The following EPHX1 variants were observed in gnomAD, a reference collection of about 807,000 sequenced individuals.
EPHX1 encodes the protein epoxide hydratase.
In EPHX1, 40 loss-of-function variants were observed where a neutral mutation model predicts 43.2. That is an observed-to-expected ratio of 0.93 (90% CI 0.72 to 1.21). EPHX1 has a LOEUF of 1.21. Ranked by LOEUF, EPHX1 falls within the 50% of genes most tolerant of loss-of-function variation. The pLI, the probability that EPHX1 is intolerant of heterozygous loss-of-function variation, is 0.00. For missense variants in EPHX1, 550 were observed against 570.4 expected (o/e 0.96, Z 0.36); for synonymous variants, 221 against 226.7 (o/e 0.98, Z 0.22).
chr1:225,842,833 G>T (rs1668542522), intron 7 of EPHX1, among the ~76,000 whole-genome samples: 1 of 152,228 alleles, frequency 6.6e-6, no homozygotes, highest in African/African-American at 2.4e-5. Context: ...CCTGGCATCA[G>T]GGTCACGTGA....
At chr1:225,838,999 A>G (rs1018841113) in intron 4 of EPHX1, 118 bp downstream of exon 4, 1 of 1,386,860 alleles carries the variant, frequency 7.2e-7, no homozygotes, top group Non-Finnish European at 1.0e-6. Context: ...GAAGCTGGGA[A>G]AGGAGGGGCC....
At chr1:225,835,038 G>T (rs530697035) in intron 3 of EPHX1, among the ~76,000 whole-genome samples, 21 of 152,172 alleles carry the variant, frequency 1.4e-4, no homozygotes, top group Non-Finnish European at 2.8e-4. Flanking sequence ...GTGAGGGAAG[G>T]CTTCCTGGAG....
intron 7 of EPHX1, 49 bp from the exon 8 acceptor site, chr1:225,844,449 A>C: frequency 1.2e-6 from 2 of 1,608,728 alleles, no homozygotes; most frequent in Admixed American, 1.7e-5. Context: ...CCTTTGTCAC[A>C]CAACTGCATG....
chr1:225,835,339 C>T (rs1009910406), intron 3 of EPHX1, among the ~76,000 whole-genome samples: 2 of 151,308 alleles, frequency 1.3e-5, no homozygotes, highest in Non-Finnish European at 2.9e-5. Context: ...CCACCTCAGC[C>T]TCTCAAGTAG....
rs1195832850 is a variant in EPHX1, at chr1:225,839,352, G to A, written c.722+6G>A. On this transcript the variant is annotated splice_donor_region_variant and intron_variant, in intron 5 of 8. Coordinates refer to ENST00000272167, the MANE Select transcript of EPHX1 (RefSeq NM_001136018.4). Reference sequence around the variant, plus strand: ...ATGGCCCAGCTGGTGCCCAGGTGAGGTCACTGTTGGGGTGGTGTGTGTGTG... The same window carrying A: ...ATGGCCCAGCTGGTGCCCAGGTGAGATCACTGTTGGGGTGGTGTGTGTGTG... 4 of 1,610,344 alleles carry A rather than the reference G, an allele frequency of 2.5e-6. No individual in the cohort carries two copies. The highest frequency in any genetic ancestry group is 2.7e-5 in the African/African-American group (2 of 72,870).
intron 2 of EPHX1, 128 bp downstream of exon 2, chr1:225,829,040 T>TC (rs1667428338): frequency 5.3e-6 from 6 of 1,128,374 alleles, no homozygotes; most frequent in Non-Finnish European, 6.3e-6. Flanking sequence ...CTTGGGAGTG[T>TC]GTTTCAGTCT....
intron 3 of EPHX1, among the ~76,000 whole-genome samples, chr1:225,832,315 A>G (rs60132040): frequency 0.035 from 5,368 of 152,228 alleles, 303 homozygotes; most frequent in African/African-American, 0.12. Context: ...TGAGGTGGGT[A>G]GATCACGAGG....
chr1:225,833,289 A>G (rs1266791994), intron 3 of EPHX1, among the ~76,000 whole-genome samples: 1 of 152,266 alleles, frequency 6.6e-6, no homozygotes, highest in Non-Finnish European at 1.5e-5. Context: ...CTTAAAGTGT[A>G]TGAAAGACAT....
intron 1 of EPHX1, among the ~76,000 whole-genome samples, chr1:225,819,991 C>A (rs1310041116): frequency 3.3e-5 from 5 of 152,222 alleles, no homozygotes; most frequent in Admixed American, 2.6e-4. Context: ...ACCAGCTCAT[C>A]AAGGACAGCT....
intron 3 of EPHX1, among the ~76,000 whole-genome samples, chr1:225,833,826 C>T (rs560142585): frequency 7.2e-6 from 1 of 138,230 alleles, no homozygotes; most frequent in Non-Finnish European, 1.6e-5. Context: ...GGCTGGGCGC[C>T]GTGGCTCACG....
chr1:225,836,315 C>G (rs145437220), intron 3 of EPHX1, among the ~76,000 whole-genome samples: 1 of 152,090 alleles, frequency 6.6e-6, no homozygotes, highest in African/African-American at 2.4e-5. Flanking sequence ...AAATCCTGGC[C>G]GGGTGTGGTG....
At chr1:225,833,652 A>C (rs1399159362) in intron 3 of EPHX1, among the ~76,000 whole-genome samples, 1 of 141,006 alleles carries the variant, frequency 7.1e-6, no homozygotes, top group Non-Finnish European at 1.6e-5. Context: ...AAAATTAGCC[A>C]GGTGTGGTGG....
chr1:225,840,247 G>T (rs1455074490), intron 6 of EPHX1, among the ~76,000 whole-genome samples: 1 of 152,230 alleles, frequency 6.6e-6, no homozygotes, highest in East Asian at 1.9e-4. Flanking sequence ...TAGCAACTCT[G>T]TTTAGCCGAC....
intron 2 of EPHX1, among the ~76,000 whole-genome samples, chr1:225,829,165 G>A (rs1035823873): frequency 6.6e-6 from 1 of 152,064 alleles, no homozygotes; most frequent in East Asian, 1.9e-4. Flanking sequence ...CAGGAGATGG[G>A]GTAACCTGTA....
chr1:225,832,928 C>G (rs1667695850), intron 3 of EPHX1, among the ~76,000 whole-genome samples: 2 of 152,204 alleles, frequency 1.3e-5, no homozygotes, highest in African/African-American at 4.8e-5. Flanking sequence ...TCTATATATT[C>G]TGAATAAAAT....
chr1:225,842,543 C>A, intron 7 of EPHX1, 69 bp downstream of exon 7: 1 of 1,115,110 alleles, frequency 9.0e-7, no homozygotes, highest in Non-Finnish European at 1.4e-6. Context: ...CCCTCTTCAT[C>A]CCCTTGTCTG....
At chr1:225,837,878 G>A (rs1377027640) in intron 3 of EPHX1, among the ~76,000 whole-genome samples, 1 of 152,128 alleles carries the variant, frequency 6.6e-6, no homozygotes, top group African/African-American at 2.4e-5. Context: ...GTGACATTTT[G>A]TCAATGTGTA....
Position 225,845,065 on chromosome 1 carries a change from A to G in EPHX1, c.1167-81A>G, listed in dbSNP as rs567266612. 20 of 1,465,122 alleles carry G rather than the reference A, an allele frequency of 1.4e-5. No individual in the cohort carries two copies. The South Asian group carries it at 2.0e-4, about 15-fold the overall frequency. The allele number at this position is 1,465,122 out of a possible 1,614,324, so 90.8% of individuals were successfully genotyped here. On this transcript the variant is annotated intron_variant, in intron 8 of 8. Transcript: ENST00000272167. ...GGGTGGGCCAGCTGATCTCACCCCC[A>G]GGCGCTTTAACCCCCTGCTGTGCAG...
chr1:225,827,966 T>C (rs1667338093), intron 1 of EPHX1, among the ~76,000 whole-genome samples: 1 of 152,158 alleles, frequency 6.6e-6, no homozygotes, highest in Non-Finnish European at 1.5e-5. Flanking sequence ...GAGCAGGGGC[T>C]GTGGGCCACC....
Sources: allele counts gnomAD v4.1 joint callset (sites outside exome capture counted in the v4.1 genomes callset), GRCh38; gene constraint gnomAD v4.1.1; transcripts MANE v1.5; gene names NCBI Gene and HGNC (gene_info 2026-07-23, HGNC 2026-07-21).